CHRM3: variants seen among roughly 807,000 people sequenced by gnomAD.
CHRM3 encodes muscarinic acetylcholine receptor M3.
Under a neutral mutation model 41.8 loss-of-function variants are expected in CHRM3, and 11 were observed. That is an observed-to-expected ratio of 0.26 (90% CI 0.17 to 0.44). The LOEUF is 0.44. Among genes scored for constraint, CHRM3 ranks in the 20% least tolerant of loss-of-function variants. CHRM3 has a pLI of 1.00. For missense variants in CHRM3, 571 were observed against 745.4 expected, an observed-to-expected ratio of 0.77 and a Z score of 2.72; for synonymous variants, 297 against 301.4, an observed-to-expected ratio of 0.99 and a Z score of 0.15.
At chr1:239,893,966 CCTT>C (rs758485304) in intron 6 of CHRM3, among the ~76,000 whole-genome samples, 1 of 152,074 alleles carries the variant, frequency 6.6e-6, no homozygotes, top group Non-Finnish European at 1.5e-5. Context: ...CTCCACTTCT[CCTT>C]CTTCTTCGTC....
intron 6 of CHRM3, among the ~76,000 whole-genome samples, chr1:239,856,756 C>A (rs1675157853): frequency 6.6e-6 from 1 of 151,970 alleles, no homozygotes. Context: ...TCTTGATAAA[C>A]ATTTATGGCA....
intron 5 of CHRM3, among the ~76,000 whole-genome samples, chr1:239,734,119 C>A (rs1217737620): frequency 6.6e-6 from 1 of 152,070 alleles, no homozygotes; most frequent in Non-Finnish European, 1.5e-5. Context: ...TAACAGGCAA[C>A]CAACCTAATA....
At chr1:239,623,154 T>G (rs1402358859) in intron 3 of CHRM3, among the ~76,000 whole-genome samples, 1 of 152,186 alleles carries the variant, frequency 6.6e-6, no homozygotes, top group African/African-American at 2.4e-5. Flanking sequence ...AGGGTACATG[T>G]GCACAACGTG....
chr1:239,515,432 T>C (rs911145848), intron 2 of CHRM3, among the ~76,000 whole-genome samples: 3 of 151,040 alleles, frequency 2.0e-5, no homozygotes, highest in African/African-American at 7.3e-5. Context: ...TTTTTAATTC[T>C]GGGGTAAGGA....
intron 6 of CHRM3, among the ~76,000 whole-genome samples, chr1:239,879,645 G>A (rs567865629): frequency 1.3e-5 from 2 of 152,270 alleles, no homozygotes; most frequent in African/African-American, 2.4e-5. Context: ...GCCACAGCCT[G>A]GCAGCGCCCA....
chr1:239,550,175 T>C (rs1659682282), intron 3 of CHRM3, among the ~76,000 whole-genome samples: 1 of 152,152 alleles, frequency 6.6e-6, no homozygotes, highest in Admixed American at 6.5e-5. Context: ...GGAGCTTCCT[T>C]GTGCTTAGAT....
intron 5 of CHRM3, among the ~76,000 whole-genome samples, chr1:239,791,881 G>A (rs550683005): frequency 6.6e-6 from 1 of 152,286 alleles, no homozygotes; most frequent in African/African-American, 2.4e-5. Flanking sequence ...GAAACACAGT[G>A]GGTAGATTGG....
intron 1 of CHRM3, among the ~76,000 whole-genome samples, chr1:239,422,736 A>T (rs1004152362): frequency 6.6e-6 from 1 of 152,084 alleles, no homozygotes; most frequent in Admixed American, 6.6e-5. Flanking sequence ...CAGAGGTTTC[A>T]GTGAGCAGAG....
intron 1 of CHRM3, among the ~76,000 whole-genome samples, chr1:239,407,417 T>TAGAGAG (rs67319486): frequency 7.5e-5 from 10 of 134,180 alleles, no homozygotes; most frequent in East Asian, 2.1e-4. Flanking sequence ...TATATATATA[T>TAGAGAG]AGAGAGAGAG....
chr1:239,587,931 C>G (rs1237134051), intron 3 of CHRM3, among the ~76,000 whole-genome samples: 1 of 152,152 alleles, frequency 6.6e-6, no homozygotes, highest in Non-Finnish European at 1.5e-5. Flanking sequence ...AGTAAACAAA[C>G]TTATGCATTC....
chr1:239,690,762 GT>G (rs1659638198), intron 5 of CHRM3, among the ~76,000 whole-genome samples: 1 of 151,894 alleles, frequency 6.6e-6, no homozygotes, highest in Non-Finnish European at 1.5e-5. Context: ...GGTTGTTTTT[GT>G]TAGTATTCCA....
chr1:239,543,030 CTTTTT>C (rs1339700933), intron 2 of CHRM3, among the ~76,000 whole-genome samples: 1 of 152,150 alleles, frequency 6.6e-6, no homozygotes. Context: ...GATCTTTTAA[CTTTTT>C]TAGAGTTCTT....
chr1:239,399,280 G>A (rs184276801), intron 1 of CHRM3, among the ~76,000 whole-genome samples: 180 of 150,586 alleles, frequency 1.2e-3, no homozygotes, highest in Middle Eastern at 7.0e-3. Context: ...CTTTGATATC[G>A]TGGTACTTTG....
intron 3 of CHRM3, among the ~76,000 whole-genome samples, chr1:239,568,121 G>A (rs937040423): frequency 5.9e-5 from 9 of 152,090 alleles, no homozygotes; most frequent in Admixed American, 1.3e-4. Context: ...GCCAGGTTCA[G>A]TTTCATATGG....
At chr1:239,866,142 C>T (rs1676074595) in intron 6 of CHRM3, among the ~76,000 whole-genome samples, 2 of 152,094 alleles carry the variant, frequency 1.3e-5, no homozygotes, top group Non-Finnish European at 1.5e-5. Flanking sequence ...CTTTGGGAGG[C>T]CGGGGCGGGC....
At chr1:239,446,184 C>A (rs1664137356) in intron 1 of CHRM3, among the ~76,000 whole-genome samples, 1 of 152,166 alleles carries the variant, frequency 6.6e-6, no homozygotes, top group South Asian at 2.1e-4. Context: ...ATCCGCCCGC[C>A]TTGGCCTCCC....
intron 5 of CHRM3, among the ~76,000 whole-genome samples, chr1:239,718,378 G>A (rs1662604486): frequency 6.6e-6 from 1 of 151,994 alleles, no homozygotes; most frequent in Non-Finnish European, 1.5e-5. Flanking sequence ...ATGACACAAG[G>A]TGAAATTTTC....
At chr1:239,530,827 A>G (rs576335193) in intron 2 of CHRM3, among the ~76,000 whole-genome samples, 2 of 152,336 alleles carry the variant, frequency 1.3e-5, no homozygotes, top group African/African-American at 4.8e-5. Flanking sequence ...ATAGACCCTC[A>G]GGGACTGTGG....
intron 5 of CHRM3, among the ~76,000 whole-genome samples, chr1:239,699,669 G>A (rs759645642): frequency 3.3e-5 from 5 of 152,176 alleles, no homozygotes; most frequent in Non-Finnish European, 7.4e-5. Context: ...TAGGATGTAT[G>A]TCTTCATACA....
Sources: allele counts gnomAD v4.1 joint callset (sites outside exome capture counted in the v4.1 genomes callset), GRCh38; gene constraint gnomAD v4.1.1; transcripts MANE v1.5; gene names NCBI Gene and HGNC (gene_info 2026-07-23, HGNC 2026-07-21).